Variants in NTN1 observed in about 807,000 individuals in gnomAD.
NTN1 encodes the protein netrin 1.
A neutral mutation model predicts 54.2 loss-of-function variants in NTN1; 11 were observed. The ratio of observed to expected loss-of-function variants is 0.20; its 90% CI spans 0.13 to 0.34. The LOEUF is 0.34. Ranked by LOEUF, NTN1 falls within the 10% of genes least tolerant of loss-of-function variation. The pLI is 1.00. For synonymous variants in NTN1, 371 were observed against 382.0 expected (o/e 0.97, Z 0.33); for missense variants, 740 against 893.1 (o/e 0.83, Z 2.18).
At chr17:9,035,654 G>A (rs943998605) in intron 2 of NTN1, among the ~76,000 whole-genome samples, 3 of 152,138 alleles carry the variant, frequency 2.0e-5, no homozygotes, top group Non-Finnish European at 4.4e-5. Context: ...GAGCTCAGGC[G>A]ATCCTCCTGC....
the NTN1 span, among the ~76,000 whole-genome samples, chr17:9,004,178 A>C: frequency 6.6e-6 from 1 of 151,432 alleles, no homozygotes; most frequent in African/African-American, 2.4e-5. Flanking sequence ...TCCGTCCAAA[A>C]CCCCCGAGGT....
intron 2 of NTN1, among the ~76,000 whole-genome samples, chr17:9,088,862 G>A (rs953845533): frequency 2.0e-5 from 3 of 152,074 alleles, no homozygotes; most frequent in African/African-American, 7.2e-5. Flanking sequence ...CCTCTCTCCG[G>A]GTTCCTTGTG....
At chr17:9,186,241 G>A (rs913383116) in intron 5 of NTN1, among the ~76,000 whole-genome samples, 4 of 152,246 alleles carry the variant, frequency 2.6e-5, no homozygotes, top group Admixed American at 6.5e-5. Context: ...TGAATGTGAA[G>A]TTGGGAGAGG....
At chr17:9,143,418 CAG>C (rs1373688878) in intron 2 of NTN1, among the ~76,000 whole-genome samples, 2 of 152,180 alleles carry the variant, frequency 1.3e-5, no homozygotes, top group African/African-American at 2.4e-5. Flanking sequence ...TTGCCTGCAA[CAG>C]GGGAATATTG....
At chr17:9,223,674 T>C (rs1382155715) in intron 6 of NTN1, among the ~76,000 whole-genome samples, 1 of 152,222 alleles carries the variant, frequency 6.6e-6, no homozygotes, top group Admixed American at 6.5e-5. Context: ...CAGGCCTCTC[T>C]CCACTCCCCT....
intron 5 of NTN1, among the ~76,000 whole-genome samples, chr17:9,208,161 G>A (rs183866911): frequency 6.6e-6 from 1 of 152,322 alleles, no homozygotes; most frequent in African/African-American, 2.4e-5. Context: ...GAACCTGGAA[G>A]GCGGAGGTTG....
chr17:9,120,520 C>A (rs186290303), intron 2 of NTN1, among the ~76,000 whole-genome samples: 1 of 152,310 alleles, frequency 6.6e-6, no homozygotes, highest in East Asian at 1.9e-4. Flanking sequence ...GGTTTCTCCC[C>A]CACACAGGTC....
chr17:9,162,576 A>G (rs2092360022), intron 2 of NTN1, among the ~76,000 whole-genome samples: 1 of 152,230 alleles, frequency 6.6e-6, no homozygotes, highest in Non-Finnish European at 1.5e-5. Context: ...ACTGGGGGTC[A>G]CGGCTTCAAC....
At chr17:9,139,939 A>ATCCC (rs1267672011) in intron 2 of NTN1, among the ~76,000 whole-genome samples, 2 of 151,728 alleles carry the variant, frequency 1.3e-5, no homozygotes, top group Admixed American at 1.3e-4. Flanking sequence ...CCATCCATCC[A>ATCCC]TCTGTCCATC....
chr17:9,188,145 C>A (rs1184203801), intron 5 of NTN1, among the ~76,000 whole-genome samples: 1 of 152,092 alleles, frequency 6.6e-6, no homozygotes, highest in Non-Finnish European at 1.5e-5. Context: ...AATGCTAAAT[C>A]TGGCTGGGTG....
chr17:9,009,349 G>A, the NTN1 span, among the ~76,000 whole-genome samples: 2 of 152,188 alleles, frequency 1.3e-5, no homozygotes, highest in South Asian at 4.1e-4. Flanking sequence ...CTTGGCCAGA[G>A]GCTAGGAAGT....
chr17:9,065,703 G>A (rs1014198510), intron 2 of NTN1, among the ~76,000 whole-genome samples: 9 of 152,218 alleles, frequency 5.9e-5, no homozygotes, highest in African/African-American at 2.2e-4. Flanking sequence ...GATGAAGGAA[G>A]GCATGAATGA....
chr17:9,193,931 A>AAAAT (rs1904544362), intron 5 of NTN1, among the ~76,000 whole-genome samples: 1 of 123,398 alleles, frequency 8.1e-6, no homozygotes, highest in African/African-American at 3.7e-5. Flanking sequence ...AAAAAAAAAA[A>AAAAT]AAAAAAAAAA....
intron 5 of NTN1, among the ~76,000 whole-genome samples, chr17:9,190,444 A>T (rs1039289218): frequency 1.3e-5 from 2 of 152,236 alleles, no homozygotes; most frequent in African/African-American, 4.8e-5. Context: ...TTTTAAAAGA[A>T]GATTAATGGA....
chr17:9,061,628 A>G (rs1423177346), intron 2 of NTN1, among the ~76,000 whole-genome samples: 5 of 152,098 alleles, frequency 3.3e-5, no homozygotes, highest in Admixed American at 3.3e-4. Context: ...GTCTGTCCAC[A>G]TTTGGAGAAC....
Position 9,198,540 on chromosome 17 carries a change from G to T in NTN1, c.1411+15571G>T, listed in dbSNP as rs1904698432. ...TTTGGTGGGAAGGGAAGTTTTACTG[G>T]AATCTGGGGACCATCTGTGGGTTTC... On this transcript the variant is annotated intron_variant, in intron 5 of 6. Coordinates refer to ENST00000173229, the MANE Select transcript of NTN1 (RefSeq NM_004822.3). Among the ~76,000 whole-genome samples, 3 of 152,278 alleles carry T rather than the reference G, an allele frequency of 2.0e-5. No individual in the cohort carries two copies. In the South Asian group the frequency reaches 6.2e-4, roughly 32 times the overall value.
In NTN1 at chr17:9,059,125, A is replaced by G. The variant is rs115509017; in HGVS notation, c.1018+35734A>G. Among the ~76,000 whole-genome samples the G allele has an allele frequency of 6.9e-3, 1,046 of 152,258 alleles. 18 individuals are homozygous for G. Among genetic ancestry groups the G allele is most frequent in the African/African-American group, 0.024 (983 of 41,542 alleles). ...TATATTATCATTCATGGTGATGCCT[A>G]CCTGCTACGTGGCCGGCACATGCTG... On this transcript the variant is annotated intron_variant, in intron 2 of 6. Coordinates refer to ENST00000173229, the MANE Select transcript of NTN1 (RefSeq NM_004822.3).
intron 2 of NTN1, among the ~76,000 whole-genome samples, chr17:9,112,158 T>C (rs1261322118): frequency 6.6e-6 from 1 of 152,244 alleles, no homozygotes; most frequent in African/African-American, 2.4e-5. Flanking sequence ...CGCCTGTGGC[T>C]GTATCCCCTG....
rs1905461223 is a variant in NTN1 at position 9,224,276 on chromosome 17, G to A, written c.1486+3034G>A. Among the ~76,000 whole-genome samples the A allele has an allele frequency of 2.6e-5, 4 of 152,114 alleles. No individual in the cohort carries two copies. The South Asian group carries it at 6.2e-4, about 24-fold the overall frequency. ...TTCAGGCAGCCCCTCTCTGTCTGCC[G>A]AACCTGACACCCTCCTTTCGTAGAC... is the stretch of plus-strand genomic sequence containing the variant. On this transcript the variant is annotated intron_variant, in intron 6 of 6. Transcript: ENST00000173229.
Sources: allele counts gnomAD v4.1 joint callset (sites outside exome capture counted in the v4.1 genomes callset), GRCh38; gene constraint gnomAD v4.1.1; transcripts MANE v1.5; gene names NCBI Gene and HGNC (gene_info 2026-07-23, HGNC 2026-07-21).